The following WDHD1 variants were observed in gnomAD, a reference collection of about 807,000 sequenced individuals.
The protein encoded by WDHD1 is WD repeat and HMG-box DNA binding protein 1.
WDHD1 carries 111 observed loss-of-function variants against 135.4 expected under a neutral mutation model. The ratio of observed to expected loss-of-function variants is 0.82; its 90% CI spans 0.70 to 0.96. The LOEUF (loss-of-function observed/expected upper bound fraction) is 0.96, where lower values mean the gene tolerates loss of function less well. Ranked by LOEUF, WDHD1 falls within the 40% of genes least tolerant of loss-of-function variation. The probability of loss-of-function intolerance (pLI) is 0.00; values close to 1 mark genes in which losing one functional copy is unlikely to be tolerated. For missense variants in WDHD1, 1,351 were observed against 1,336.3 expected (o/e 1.01, Z -0.17); for synonymous variants, 434 against 439.0 (o/e 0.99, Z 0.14).
intron 16 of WDHD1, among the ~76,000 whole-genome samples, chr14:54,975,472 C>T (rs1323140242): frequency 6.6e-6 from 1 of 151,962 alleles, no homozygotes; most frequent in Non-Finnish European, 1.5e-5. Flanking sequence ...CTCAGCCTCC[C>T]AAGTAGCTGG....
intron 2 of WDHD1, among the ~76,000 whole-genome samples, chr14:55,018,541 C>A (rs2042295041): frequency 6.6e-6 from 1 of 152,080 alleles, no homozygotes; most frequent in African/African-American, 2.4e-5. Context: ...GAATCATAGA[C>A]AACTTGATGA....
intron 2 of WDHD1, among the ~76,000 whole-genome samples, chr14:55,019,752 C>T (rs1448144598): frequency 1.3e-5 from 2 of 152,056 alleles, no homozygotes; most frequent in Non-Finnish European, 2.9e-5. Flanking sequence ...ATCTGTGATC[C>T]CAGCTACTTG....
intron 16 of WDHD1, among the ~76,000 whole-genome samples, chr14:54,979,667 A>T (rs377390345): frequency 2.6e-5 from 4 of 152,364 alleles, no homozygotes; most frequent in African/African-American, 9.6e-5. Flanking sequence ...TAAAAATTCA[A>T]TTTATTTAAC....
At chr14:54,976,731 A>C (rs4898857) in intron 16 of WDHD1, among the ~76,000 whole-genome samples, 129 of 152,146 alleles carry the variant, frequency 8.5e-4, no homozygotes, top group Non-Finnish European at 1.4e-3. Flanking sequence ...AAGGCTATAT[A>C]CCAAAAAATA....
intron 18 of WDHD1, among the ~76,000 whole-genome samples, chr14:54,964,555 C>T (rs1005814945): frequency 5.3e-5 from 8 of 151,780 alleles, no homozygotes; most frequent in Non-Finnish European, 8.8e-5. Flanking sequence ...AGGAGAATGG[C>T]GTGAACCTGG....
intron 24 of WDHD1, among the ~76,000 whole-genome samples, chr14:54,946,253 T>C (rs2040923011): frequency 6.6e-6 from 1 of 152,248 alleles, no homozygotes; most frequent in South Asian, 2.1e-4. Context: ...AGTCTCACTA[T>C]GTTGCCTAGG....
At chr14:54,982,624 C>G (rs1201005825) in intron 15 of WDHD1, among the ~76,000 whole-genome samples, 1 of 152,174 alleles carries the variant, frequency 6.6e-6, no homozygotes, top group Non-Finnish European at 1.5e-5. Flanking sequence ...ACCCCCCTCA[C>G]TCTGCAAACA....
At chr14:55,020,235 C>A (rs1300979036) in intron 2 of WDHD1, among the ~76,000 whole-genome samples, 2 of 152,204 alleles carry the variant, frequency 1.3e-5, no homozygotes, top group African/African-American at 4.8e-5. Flanking sequence ...CTCACTAATT[C>A]AAATTCCTCC....
At chr14:54,991,154 A>G (rs1016130387) in intron 12 of WDHD1, 59 bp downstream of exon 12, 4 of 916,126 alleles carry the variant, frequency 4.4e-6, no homozygotes, top group Non-Finnish European at 6.8e-6. Context: ...AAAATTAACT[A>G]TAGTAAGAAA....
At chr14:54,999,924 C>T (rs758801459) in intron 10 of WDHD1, among the ~76,000 whole-genome samples, 2 of 152,172 alleles carry the variant, frequency 1.3e-5, no homozygotes, top group Non-Finnish European at 2.9e-5. Context: ...ATCCCTTCAA[C>T]TGACTTCTTT....
At chr14:54,961,270 T>C (rs568126413) in intron 21 of WDHD1, among the ~76,000 whole-genome samples, 1 of 151,938 alleles carries the variant, frequency 6.6e-6, no homozygotes, top group South Asian at 2.1e-4. Flanking sequence ...GGTGAGGAAA[T>C]TGCTTGAGTT....
intron 2 of WDHD1, 136 bp downstream of exon 2, chr14:55,026,575 A>G (rs758749660): frequency 9.5e-6 from 8 of 841,222 alleles, no homozygotes; most frequent in Non-Finnish European, 1.6e-5. Flanking sequence ...TAATCTAAAG[A>G]AATATGTGTG....
chr14:54,957,610 T>C lies in WDHD1; in HGVS notation c.2727A>G (p.Gly909=). Residue 909 remains glycine, a synonymous_variant, in exon 22 of 26, where the codon GGA becomes GGG. Transcript: ENST00000360586. Reference sequence around the variant, plus strand: ...AGTTTACCTTAAAGGGATTTACTCGTCCTTGGCTGCTAAAGGTAACTGCAC... The same window carrying C: ...AGTTTACCTTAAAGGGATTTACTCGCCCTTGGCTGCTAAAGGTAACTGCAC... ...KSGAVTFSSQ[G]RVNPFKVSAS... 6.2e-7 allele frequency: 1 copy of C among 1,607,328 alleles called. No homozygotes were observed.
chr14:54,950,888 T>C (rs2041038905), intron 24 of WDHD1, among the ~76,000 whole-genome samples: 1 of 152,190 alleles, frequency 6.6e-6, no homozygotes, highest in Admixed American at 6.5e-5. Flanking sequence ...AACCTGCTCC[T>C]GAATGACTAC....
intron 18 of WDHD1, among the ~76,000 whole-genome samples, chr14:54,964,970 A>T (rs1010036335): frequency 2.0e-5 from 3 of 152,246 alleles, no homozygotes; most frequent in Admixed American, 2.0e-4. Flanking sequence ...TTTCTACAAT[A>T]AACTGAGTTT....
intron 9 of WDHD1, 80 bp from the exon 10 acceptor site, chr14:55,000,724 G>A (rs2041966545): frequency 1.5e-5 from 18 of 1,229,672 alleles, no homozygotes; most frequent in Non-Finnish European, 1.9e-5. Flanking sequence ...ATTTTAGTTA[G>A]GAAAGAATAA....
intron 24 of WDHD1, among the ~76,000 whole-genome samples, chr14:54,953,495 G>A (rs1469885822): frequency 6.6e-6 from 1 of 152,182 alleles, no homozygotes; most frequent in East Asian, 1.9e-4. Flanking sequence ...AGGATGTGGA[G>A]AAATAGGAAC....
chr14:54,959,792 C>G (rs549903737), intron 21 of WDHD1, among the ~76,000 whole-genome samples: 5 of 151,790 alleles, frequency 3.3e-5, no homozygotes, highest in Admixed American at 6.6e-5. Flanking sequence ...GCACCCCCCC[C>G]ACCAAACAAA....
At chr14:54,955,433 C>T in intron 24 of WDHD1, 128 bp downstream of exon 24, 1 of 871,078 alleles carries the variant, frequency 1.1e-6, no homozygotes, top group East Asian at 3.2e-5. Flanking sequence ...CACAAGTGTC[C>T]AGAATGCCCA....
Sources: allele counts gnomAD v4.1 joint callset (sites outside exome capture counted in the v4.1 genomes callset), GRCh38; gene constraint gnomAD v4.1.1; transcripts MANE v1.5; gene names NCBI Gene and HGNC (gene_info 2026-07-23, HGNC 2026-07-21).